PLCXD3: variants seen among roughly 807,000 people sequenced by gnomAD.
The protein encoded by PLCXD3 is PI-PLC X domain-containing protein 3.
Under a neutral mutation model 25.5 loss-of-function variants are expected in PLCXD3, and 19 were observed. That is an observed-to-expected ratio of 0.75 (90% confidence interval 0.52 to 1.09). The LOEUF (loss-of-function observed/expected upper bound fraction) is 1.09. Among genes scored for constraint, PLCXD3 ranks in the 50% least tolerant of loss-of-function variants. The pLI, the probability that PLCXD3 is intolerant of heterozygous loss-of-function variation, is 0.00. For missense variants in PLCXD3, 411 were observed against 388.1 expected, an observed-to-expected ratio of 1.06 and a Z score of -0.50; for synonymous variants, 174 against 137.6, an observed-to-expected ratio of 1.26 and a Z score of -1.85.
chr5:41,332,601 C>T (rs1028037184), intron 2 of PLCXD3, among the ~76,000 whole-genome samples: 49 of 152,134 alleles, frequency 3.2e-4, no homozygotes, highest in African/African-American at 1.0e-3. Context: ...TGAGTATATA[C>T]CCAAAGGACT....
intron 2 of PLCXD3, among the ~76,000 whole-genome samples, chr5:41,323,524 GAA>G (rs140546271): frequency 2.8e-4 from 42 of 152,062 alleles, no homozygotes; most frequent in African/African-American, 9.9e-4. Context: ...AAAAGAAAAA[GAA>G]AAGAAATACA....
intron 2 of PLCXD3, among the ~76,000 whole-genome samples, chr5:41,334,803 C>T (rs924211656): frequency 8.5e-5 from 13 of 152,088 alleles, no homozygotes; most frequent in African/African-American, 3.1e-4. Flanking sequence ...TGTCCTCAGG[C>T]TCATCGTTTG....
chr5:41,348,441 G>T (rs1561240759), intron 2 of PLCXD3, among the ~76,000 whole-genome samples: 1 of 151,948 alleles, frequency 6.6e-6, no homozygotes, highest in African/African-American at 2.4e-5. Flanking sequence ...AGGGAAACCA[G>T]AAAAAAACAT....
At chr5:41,462,282 C>T (rs954966238) in intron 1 of PLCXD3, among the ~76,000 whole-genome samples, 1 of 151,954 alleles carries the variant, frequency 6.6e-6, no homozygotes, top group Admixed American at 6.6e-5. Context: ...GCCAAGAGAA[C>T]AGAACTAGTG....
chr5:41,334,045 A>G (rs1300988207), intron 2 of PLCXD3, among the ~76,000 whole-genome samples: 1 of 152,168 alleles, frequency 6.6e-6, no homozygotes, highest in East Asian at 1.9e-4. Context: ...CTGAGGACAC[A>G]ATGGTGATCA....
At chr5:41,438,861 A>G (rs1329575799) in intron 1 of PLCXD3, among the ~76,000 whole-genome samples, 6 of 152,210 alleles carry the variant, frequency 3.9e-5, no homozygotes, top group Non-Finnish European at 7.3e-5. Context: ...AGCATAAAAA[A>G]GCTAAGCGAA....
intron 1 of PLCXD3, among the ~76,000 whole-genome samples, chr5:41,464,937 T>C (rs1463285864): frequency 6.6e-6 from 1 of 152,094 alleles, no homozygotes; most frequent in African/African-American, 2.4e-5. Flanking sequence ...TTTATTTCAA[T>C]AACTACTTTA....
chr5:41,317,192 A>T (rs940020571), intron 2 of PLCXD3, among the ~76,000 whole-genome samples: 1 of 152,224 alleles, frequency 6.6e-6, no homozygotes. Context: ...TTTGGAAGAA[A>T]GTAAGGAAAG....
chr5:41,436,727 A>C (rs1747263309), intron 1 of PLCXD3, among the ~76,000 whole-genome samples: 1 of 152,216 alleles, frequency 6.6e-6, no homozygotes, highest in Admixed American at 6.5e-5. Flanking sequence ...AGCTTGAAGA[A>C]ATCAAAAACT....
intron 1 of PLCXD3, among the ~76,000 whole-genome samples, chr5:41,467,102 T>C (rs1217145647): frequency 1.3e-5 from 2 of 152,288 alleles, no homozygotes; most frequent in East Asian, 3.9e-4. Context: ...GTATGATAAT[T>C]GGAATTTTAG....
chr5:41,313,352 T>C lies in PLCXD3; in HGVS notation c.*265A>G. Reference sequence around the variant, plus strand: ...GAATTCTATGTTACAAAGACTAATTTTGAAAAACAAAGTTACTGGTCTTTT... The same window carrying C: ...GAATTCTATGTTACAAAGACTAATTCTGAAAAACAAAGTTACTGGTCTTTT... On this transcript the variant is annotated 3_prime_UTR_variant, in exon 3 of 3. Transcript: ENST00000377801. The C allele has an allele frequency of 5.1e-6, 2 of 392,148 alleles. No homozygotes were observed. The highest frequency in any genetic ancestry group is 4.6e-6 in the Non-Finnish European group (1 of 218,238). 24.3% of individuals were successfully genotyped at this position (392,148 alleles called of 1,614,324 possible).
At chr5:41,500,413 G>A (rs7710721) in intron 1 of PLCXD3, among the ~76,000 whole-genome samples, 1,721 of 151,840 alleles carry the variant, frequency 0.011, 29 homozygotes, top group African/African-American at 0.039. Context: ...AATAGACAAT[G>A]GATACTCAGA....
chr5:41,461,972 A>G (rs572235090), intron 1 of PLCXD3, among the ~76,000 whole-genome samples: 1 of 152,128 alleles, frequency 6.6e-6, no homozygotes, highest in Non-Finnish European at 1.5e-5. Flanking sequence ...TTCTACCCAC[A>G]GTCCTGAAGA....
chr5:41,391,928 C>T (rs1368152918), intron 1 of PLCXD3, among the ~76,000 whole-genome samples: 1 of 152,066 alleles, frequency 6.6e-6, no homozygotes, highest in African/African-American at 2.4e-5. Context: ...CTCCTCGTGG[C>T]CTGGGGTGGT....
rs547829369 is a variant in PLCXD3 at position 41,473,872 on chromosome 5, G to A, written c.103+36552C>T. Among the ~76,000 whole-genome samples the A allele has an allele frequency of 1.1e-3, 168 of 152,250 alleles. 1 individual carries two copies. The Middle Eastern group carries it at 0.034, about 31-fold the overall frequency. ...ATTAATTACCATTACACAATGACTT[G>A]GGTTCCCCTCCCCCATCCCCATCCT... On this transcript the variant is annotated intron_variant, in intron 1 of 2. Coordinates refer to ENST00000377801, the MANE Select transcript of PLCXD3 (RefSeq NM_001005473.3).
At chr5:41,429,303 A>C (rs1747038050) in intron 1 of PLCXD3, among the ~76,000 whole-genome samples, 1 of 152,090 alleles carries the variant, frequency 6.6e-6, no homozygotes, top group African/African-American at 2.4e-5. Context: ...ACTCAACAGA[A>C]TAGGACAAAG....
At chr5:41,342,547 A>G (rs759658283) in intron 2 of PLCXD3, among the ~76,000 whole-genome samples, 1 of 152,202 alleles carries the variant, frequency 6.6e-6, no homozygotes, top group Non-Finnish European at 1.5e-5. Flanking sequence ...ATCTTCTTGG[A>G]CATACAAAAT....
intron 1 of PLCXD3, among the ~76,000 whole-genome samples, chr5:41,395,685 C>T (rs1408063519): frequency 6.6e-6 from 1 of 151,878 alleles, no homozygotes; most frequent in Non-Finnish European, 1.5e-5. Context: ...CAACTATATG[C>T]CAATAAATTG....
At chr5:41,322,740 G>T (rs2150470580) in intron 2 of PLCXD3, among the ~76,000 whole-genome samples, 1 of 152,330 alleles carries the variant, frequency 6.6e-6, no homozygotes, top group Middle Eastern at 3.4e-3. Flanking sequence ...ACTTTGGGAG[G>T]CTGAGGTGGG....
Sources: allele counts gnomAD v4.1 joint callset (sites outside exome capture counted in the v4.1 genomes callset), GRCh38; gene constraint gnomAD v4.1.1; transcripts MANE v1.5; gene names NCBI Gene and HGNC (gene_info 2026-07-23, HGNC 2026-07-21).